POLR2B: variants seen among roughly 807,000 people sequenced by gnomAD.
POLR2B encodes the protein DNA-directed RNA polymerase II subunit RPB2.
In POLR2B, 57 loss-of-function variants were observed where a neutral mutation model predicts 144.6. The observed-to-expected ratio is 0.39, with a 90% CI of 0.32 to 0.49. The LOEUF is 0.49. Ranked by LOEUF, POLR2B falls within the 20% of genes least tolerant of loss-of-function variation. The pLI is 0.83. For missense variants in POLR2B, 595 were observed against 1,467.4 expected (o/e 0.41, Z 9.71); for synonymous variants, 442 against 469.8 (o/e 0.94, Z 0.77).
In POLR2B at chr4:57,025,396, C is replaced by T; in HGVS notation, c.3098C>T (p.Thr1033Ile). The T allele has an allele frequency of 1.2e-6, 2 of 1,613,536 alleles. No individual in the cohort carries two copies. Among genetic ancestry groups the T allele is most frequent in the Non-Finnish European group, 1.7e-6 (2 of 1,179,470 alleles). The change falls in exon 23 of 25, where the codon ACT becomes ATT. Residue 1033 changes from threonine (T) to isoleucine (I), a missense_variant. Around this residue, in one of 9 missense-constraint regions of POLR2B, gnomAD observed 65 missense variants for 282.8 expected, o/e 0.23. Transcript: ENST00000314595. ...TTGCAGGTCCTGTACAATGGGTTCA[C>T]TGGTCGAAAAATCACATCACAAATA... Reference protein sequence around the residue: ...RGNEVLYNGFTGRKITSQIFI... With the variant: ...RGNEVLYNGFIGRKITSQIFI...
chr4:57,010,406 C>A lies in POLR2B; in HGVS notation c.1450C>A (p.Arg484Ser). Residue 484 changes from arginine to serine, a missense_variant, in exon 11 of 25, where the codon CGT (arginine) becomes AGT (serine). By Grantham distance (110) the Arg-to-Ser change is moderately radical. This residue lies in a region of POLR2B where 251 missense variants were observed against 567.3 expected (regional missense o/e 0.44). Transcript: ENST00000314595. ...TGCGTCTACTCTTTCTCACCTGCGT[C>A]GTTTAAATTCTCCTATTGGTAGAGA... ...TFASTLSHLR[R>S]LNSPIGRDGK... 1 of 1,613,872 alleles carries A rather than the reference C, an allele frequency of 6.2e-7. No homozygotes were observed. Among genetic ancestry groups the A allele is most frequent in the South Asian group, 1.1e-5 (1 of 91,056 alleles).
At chr4:57,005,799 A>T (rs1223191789) in intron 9 of POLR2B, 80 bp downstream of exon 9, 26 of 1,318,664 alleles carry the variant, frequency 2.0e-5, no homozygotes, top group Non-Finnish European at 2.8e-5. Context: ...GGCCAGGCTA[A>T]ACTGTGTTGG....
chr4:57,030,194 C>T lies in POLR2B; in HGVS notation c.3240-10C>T. ...ATAAGTACAAAGTAATAATTTTTTT[C>T]TCTTAACAGTGATGGTGGCCTGCGT... is the stretch of plus-strand genomic sequence containing the variant. On this transcript the variant is annotated splice_polypyrimidine_tract_variant and intron_variant, in intron 23 of 24. Transcript: ENST00000314595. 1 of 1,606,742 alleles carries T rather than the reference C, an allele frequency of 6.2e-7. No homozygotes were observed. Among genetic ancestry groups the T allele is most frequent in the Non-Finnish European group, 8.5e-7 (1 of 1,175,558 alleles).
chr4:57,023,969 G>A lies in POLR2B; in HGVS notation c.2857-36G>A, dbSNP rs761698456. ...AAATGTCAGTTCTAGTTTAGTATAT[G>A]TATCTTTGAGTCCCTTTTAAAATTT... On this transcript the variant is annotated intron_variant, in intron 20 of 24. Coordinates refer to ENST00000314595, the MANE Select transcript of POLR2B (RefSeq NM_000938.3). The surrounding 1 kb of genome is among the most constrained non-coding windows in gnomAD (Gnocchi z 4.3). 5.2e-6 allele frequency: 6 copies of A among 1,149,868 alleles called. No homozygotes were observed. The highest frequency in any genetic ancestry group is 7.6e-6 in the Non-Finnish European group (6 of 791,690). The allele number at this position is 1,149,868 out of a possible 1,614,324, so 71.2% of individuals were successfully genotyped here.
intron 13 of POLR2B, among the ~76,000 whole-genome samples, chr4:57,013,743 C>T: frequency 6.6e-6 from 1 of 152,000 alleles, no homozygotes; most frequent in Non-Finnish European, 1.5e-5. Flanking sequence ...TTTAGCTCTG[C>T]TGTTGTAATG....
At chr4:57,011,489 C>T (rs1560480197) in intron 13 of POLR2B, among the ~76,000 whole-genome samples, 3 of 151,522 alleles carry the variant, frequency 2.0e-5, no homozygotes, top group Non-Finnish European at 4.4e-5. Flanking sequence ...GATTGCACCT[C>T]TGCACTCCAG....
chr4:56,998,596 A>G (rs1445510370), intron 6 of POLR2B, among the ~76,000 whole-genome samples: 2 of 150,848 alleles, frequency 1.3e-5, no homozygotes, highest in East Asian at 3.9e-4. Context: ...GGGCTCAAGC[A>G]ATCCTCCCGC....
At chr4:57,026,315 A>G (rs1348496799) in intron 23 of POLR2B, among the ~76,000 whole-genome samples, 3 of 152,118 alleles carry the variant, frequency 2.0e-5, no homozygotes, top group African/African-American at 7.2e-5. Flanking sequence ...CATGGCCACA[A>G]TCCTCTAGCC....
chr4:56,978,982 C>T lies in POLR2B; in HGVS notation c.-4C>T, dbSNP rs574582768. On this transcript the variant is annotated 5_prime_UTR_variant, in exon 1 of 25. Transcript: ENST00000314595. ...AGTTAGGAGCTCGAGAACCGTTTGG[C>T]AATATGTACGACGCGGATGAGGGTA... 2 of 1,613,682 alleles carry T rather than the reference C, an allele frequency of 1.2e-6. No homozygotes were observed. The highest frequency in any genetic ancestry group is 1.1e-5 in the South Asian group (1 of 91,068).
chr4:57,007,954 A>G (rs981714778), intron 10 of POLR2B, among the ~76,000 whole-genome samples: 1 of 152,190 alleles, frequency 6.6e-6, no homozygotes, highest in Non-Finnish European at 1.5e-5. Context: ...AGAAATCTGG[A>G]TGCTGTAAGA....
At chr4:57,022,064 A>G in intron 17 of POLR2B, 88 bp from the exon 18 acceptor site, 1 of 723,300 alleles carries the variant, frequency 1.4e-6, no homozygotes, top group South Asian at 1.8e-5. Flanking sequence ...TGTCTCCCAA[A>G]TTTCAAGTAA....
chr4:57,000,947 C>T (rs934581110), intron 7 of POLR2B, among the ~76,000 whole-genome samples: 11 of 152,108 alleles, frequency 7.2e-5, no homozygotes, highest in Admixed American at 3.9e-4. Context: ...CTGCCCACCT[C>T]GGCCTCCCAA....
Position 57,030,406 on chromosome 4 carries a change from A to G in POLR2B, c.3435+7A>G, listed in dbSNP as rs1254034053. ...CTGCCGCAATAAAACCCAGGTGTGT[A>G]TAGACTTTACTGGCAGTTGATATTT... On this transcript the variant is annotated splice_region_variant and intron_variant, in intron 24 of 24. Coordinates refer to ENST00000314595, the MANE Select transcript of POLR2B (RefSeq NM_000938.3). 1.3e-6 allele frequency: 2 copies of G among 1,591,548 alleles called. No individual in the cohort carries two copies. The highest frequency in any genetic ancestry group is 1.7e-4 in the Middle Eastern group (1 of 5,986).
chr4:57,019,162 C>T (rs778782061), intron 16 of POLR2B, among the ~76,000 whole-genome samples: 1 of 152,148 alleles, frequency 6.6e-6, no homozygotes, highest in Non-Finnish European at 1.5e-5. Context: ...ACACAGTATG[C>T]ATGTATCTTT....
At chr4:56,994,933 A>T in intron 5 of POLR2B, 67 bp downstream of exon 5, 1 of 288,046 alleles carries the variant, frequency 3.5e-6, no homozygotes, top group Non-Finnish European at 6.0e-6. Flanking sequence ...TTGAAATGAA[A>T]AAAAAAAAAA....
chr4:57,004,020 C>CTTTTTTTT (rs138828073), intron 7 of POLR2B, among the ~76,000 whole-genome samples: 1 of 72,336 alleles, frequency 1.4e-5, no homozygotes, highest in Non-Finnish European at 2.4e-5. Context: ...TAAATTAAAT[C>CTTTTTTTT]TTTTTTTTTT....
In POLR2B at chr4:57,006,912, G is replaced by A. The variant is rs776629916; in HGVS notation, c.1314G>A (p.Arg438=). 1 of 1,613,092 alleles carries A rather than the reference G, an allele frequency of 6.2e-7. No individual in the cohort carries two copies. Among genetic ancestry groups the A allele is most frequent in the Non-Finnish European group, 8.5e-7 (1 of 1,179,076 alleles). The change falls in exon 10 of 25, where the codon CGG becomes CGA. Residue 438 remains arginine (R), a synonymous_variant. Coordinates refer to ENST00000314595, the MANE Select transcript of POLR2B (RefSeq NM_000938.3). ...ACTTGGAGTTGGCAATTAAAACACG[G>A]ATCATATCTGATGGCCTAAAATACT... The part of the protein sequence containing the change: ...DFNLELAIKT[R]IISDGLKYSL...
Position 57,023,471 on chromosome 4 carries a change from G to A in POLR2B, c.2657G>A (p.Arg886His), listed in dbSNP as rs1417513256. The A allele has an allele frequency of 2.5e-6, 4 of 1,613,908 alleles. No individual in the cohort carries two copies. The highest frequency in any genetic ancestry group is 1.1e-5 in the South Asian group (1 of 91,084). ...GATGAATTGGAGAGCACCAATAGAC[G>A]CTATACCAAGAGAGACTGTAGCACT... The part of the protein sequence containing the change: ...NEDELESTNR[R>H]YTKRDCSTFL... The change falls in exon 19 of 25, where the codon CGC becomes CAC. Residue 886 changes from arginine (R) to histidine (H), a missense_variant. Arg to His is a conservative substitution (Grantham distance 29, BLOSUM62 0). Coordinates refer to ENST00000314595, the MANE Select transcript of POLR2B (RefSeq NM_000938.3). This position sits in a 1 kb window ranked among gnomAD's most constrained non-coding sequence, Gnocchi z 4.3.
chr4:56,999,471 C>A, intron 6 of POLR2B, 146 bp from the exon 7 acceptor site: 1 of 473,744 alleles, frequency 2.1e-6, no homozygotes, highest in Non-Finnish European at 3.6e-6. Flanking sequence ...GAAAAGCAGT[C>A]ATAGGAGGTT....
Sources: gnomAD v4.1 joint callset for allele counts (sites outside exome capture counted in the v4.1 genomes callset) on GRCh38, gnomAD v4.1.1 for gene constraint, gnomAD v4.1.1 regional missense constraint, Gnocchi (gnomAD v3.1) non-coding constraint, MANE v1.5 for transcripts, NCBI Gene and HGNC (gene_info 2026-07-23, HGNC 2026-07-21) for gene names.